Variants in HSPBAP1 observed in about 807,000 individuals in gnomAD.
HSPBAP1 encodes the protein HSPB1-associated protein 1.
HSPBAP1 carries 27 observed loss-of-function variants against 45.2 expected under a neutral mutation model. The ratio of observed to expected loss-of-function variants is 0.60; its 90% CI spans 0.44 to 0.82. The LOEUF (loss-of-function observed/expected upper bound fraction) is 0.82, where lower values mean the gene tolerates loss of function less well. Among genes scored for constraint, HSPBAP1 ranks in the 40% least tolerant of loss-of-function variants. HSPBAP1 has a pLI of 0.00. For missense variants in HSPBAP1, 510 were observed against 590.9 expected (o/e 0.86, Z 1.42); for synonymous variants, 204 against 202.7 (o/e 1.01, Z -0.06).
At chr3:122,747,647 C>T (rs1223609569) in intron 6 of HSPBAP1, among the ~76,000 whole-genome samples, 13 of 148,986 alleles carry the variant, frequency 8.7e-5, no homozygotes, top group South Asian at 2.1e-4. Context: ...GTCAGCCCCC[C>T]GCCCGGCCAG....
chr3:122,755,389 A>T lies in HSPBAP1; in HGVS notation c.612T>A (p.Leu204=). The part of the protein sequence containing the change: ...HLFPPEDTPF[L]YPTRIPYEES... ...CTTCATAAGGGATTCTAGTTGGATA[A>T]AGGAAAGGAGTATCTTCAGGAGGAA... Residue 204 remains leucine (L), a synonymous_variant, in exon 5 of 8, where the codon CTT becomes CTA. Coordinates refer to ENST00000306103, the MANE Select transcript of HSPBAP1 (RefSeq NM_024610.6). 1 of 1,589,100 alleles carries T rather than the reference A, an allele frequency of 6.3e-7. No homozygotes were observed.
chr3:122,761,157 A>G (rs1351028546), intron 3 of HSPBAP1, among the ~76,000 whole-genome samples: 1 of 152,208 alleles, frequency 6.6e-6, no homozygotes, highest in Non-Finnish European at 1.5e-5. Flanking sequence ...AGGTAGCTGA[A>G]AGCCATTCAG....
At chr3:122,778,532 T>TA (rs778666950) in intron 1 of HSPBAP1, among the ~76,000 whole-genome samples, 8,078 of 150,508 alleles carry the variant, frequency 0.054, 289 homozygotes, top group Middle Eastern at 0.11. Context: ...TATTTTTTTT[T>TA]TTTTTTTGAG....
intron 6 of HSPBAP1, among the ~76,000 whole-genome samples, chr3:122,747,403 G>A (rs2107499700): frequency 6.6e-6 from 1 of 151,678 alleles, no homozygotes; most frequent in Non-Finnish European, 1.5e-5. Flanking sequence ...TGAGAAATGA[G>A]GAGCCCCTCC....
At chr3:122,781,558 G>A (rs141261140) in intron 1 of HSPBAP1, among the ~76,000 whole-genome samples, 2 of 152,286 alleles carry the variant, frequency 1.3e-5, no homozygotes, top group East Asian at 1.9e-4. Context: ...GAGGGAGACC[G>A]TGGGGAGACG....
intron 3 of HSPBAP1, chr3:122,761,659 C>T (rs1934590260): frequency 6.7e-6 from 1 of 148,152 alleles, no homozygotes; most frequent in Admixed American, 6.8e-5. Context: ...TGGTGGCATG[C>T]ACCTGTGGTC....
chr3:122,765,410 G>A (rs543715615), intron 3 of HSPBAP1, among the ~76,000 whole-genome samples: 6 of 151,920 alleles, frequency 3.9e-5, no homozygotes, highest in East Asian at 1.9e-4. Context: ...GTGAAACCCC[G>A]TTTCTACTAA....
intron 6 of HSPBAP1, among the ~76,000 whole-genome samples, chr3:122,748,975 G>A (rs1934027794): frequency 1.3e-5 from 2 of 151,456 alleles, no homozygotes; most frequent in Non-Finnish European, 2.9e-5. Context: ...AAAAAAGCAA[G>A]GTATGGAACA....
intron 2 of HSPBAP1, among the ~76,000 whole-genome samples, chr3:122,776,279 A>T (rs1241473859): frequency 6.6e-6 from 1 of 152,220 alleles, no homozygotes; most frequent in African/African-American, 2.4e-5. Flanking sequence ...TGTTATGTGG[A>T]TTTTATTTAA....
At position 122,752,571 on chromosome 3, in the gene HSPBAP1, A is replaced by C. The variant is rs200535758; in HGVS notation, c.825+20T>G. 7.3e-6 allele frequency: 11 copies of C among 1,508,930 alleles called. No homozygotes were observed. In the African/African-American group the frequency reaches 1.4e-4, roughly 19 times the overall value. The allele number at this position is 1,508,930 out of a possible 1,614,324, so 93.5% of individuals were successfully genotyped here. ...GATTTGCACTTACTTAAAAAAAAAA[A>C]AAAAACAACGAAAAAGTACCAGTTC... On this transcript the variant is annotated intron_variant, in intron 6 of 7. Coordinates refer to ENST00000306103, the MANE Select transcript of HSPBAP1 (RefSeq NM_024610.6).
Position 122,777,906 on chromosome 3 carries a change from C to T in HSPBAP1, c.65G>A (p.Gly22Asp), listed in dbSNP as rs371279414. 1.2e-6 allele frequency: 2 copies of T among 1,607,396 alleles called. No individual in the cohort carries two copies. The highest frequency in any genetic ancestry group is 2.2e-5 in the South Asian group (2 of 90,474). ...TGGCTTAAAAGGTTTGACATGTTCA[C>T]CTAGAAAGAGAAATGAATACAGCAA... ...IVAAGAGGEE[G>D]EHVKPFKPEK... The change falls in exon 2 of 8, where the codon GGT becomes GAT. Residue 22 changes from glycine (G) to aspartate (D), a missense_variant and splice_region_variant. Coordinates refer to ENST00000306103, the MANE Select transcript of HSPBAP1 (RefSeq NM_024610.6).
In HSPBAP1 at chr3:122,741,547, C is replaced by T. The variant is rs939834284; in HGVS notation, c.826-434G>A. 9.4e-5 allele frequency: 16 copies of T among 169,830 alleles called. No individual in the cohort carries two copies. In the South Asian group the frequency reaches 1.3e-3, roughly 13 times the overall value. 10.5% of individuals were successfully genotyped at this position (169,830 alleles called of 1,614,324 possible). On this transcript the variant is annotated intron_variant, in intron 6 of 7. Coordinates refer to ENST00000306103, the MANE Select transcript of HSPBAP1 (RefSeq NM_024610.6). The stretch of plus-strand genomic sequence containing the variant: ...AGAATGAGATGGCTATCCATCTAAA[C>T]GTGGCTTTAAGACAGAGTAAATATA...
intron 5 of HSPBAP1, chr3:122,753,968 AT>A: frequency 1.2e-6 from 1 of 857,422 alleles, no homozygotes; most frequent in Middle Eastern, 6.0e-4. Flanking sequence ...AAAAATAATG[AT>A]AAAAAAGCAA....
At chr3:122,758,190 T>C (rs1296850810) in intron 4 of HSPBAP1, among the ~76,000 whole-genome samples, 1 of 152,212 alleles carries the variant, frequency 6.6e-6, no homozygotes, top group African/African-American at 2.4e-5. Flanking sequence ...CCTGTAAATG[T>C]CCCACATGAC....
Position 122,777,860 on chromosome 3 carries a change from G to A in HSPBAP1, c.111C>T (p.Ile37=). 6.2e-7 allele frequency: 1 copy of A among 1,613,348 alleles called. No homozygotes were observed. The highest frequency in any genetic ancestry group is 8.5e-7 in the Non-Finnish European group (1 of 1,179,464). Residue 37 remains isoleucine (I), a synonymous_variant, in exon 2 of 8, where the codon ATC becomes ATT. Transcript: ENST00000306103. ...PFKPEKAKEI[I]MSLQQPAIFC... is the part of the protein sequence containing the mutation. ...AGATTGCAGGTTGTTGTAAAGACAT[G>A]ATAATTTCTTTTGCTTTCTCTGGCT...
chr3:122,752,560 T>TAAAAAAAAAAAAAAAAAAAAAAAAA (rs56192340), intron 6 of HSPBAP1, 31 bp downstream of exon 6: 1 of 1,021,328 alleles, frequency 9.8e-7, no homozygotes. Context: ...TGCACTTACT[T>TAAAAAAAAAAAAAAAAAAAAAAAAA]AAAAAAAAAA....
intron 1 of HSPBAP1, among the ~76,000 whole-genome samples, chr3:122,789,702 G>C (rs1173904192): frequency 1.3e-5 from 2 of 152,100 alleles, no homozygotes; most frequent in Non-Finnish European, 2.9e-5. Context: ...CTAAGCACTT[G>C]TTTTCTCCAC....
At chr3:122,769,273 T>G (rs997393802) in intron 2 of HSPBAP1, among the ~76,000 whole-genome samples, 17 of 152,226 alleles carry the variant, frequency 1.1e-4, no homozygotes, top group Non-Finnish European at 8.8e-5. Flanking sequence ...ATGAGTAGAT[T>G]TAATAATCCA....
intron 6 of HSPBAP1, among the ~76,000 whole-genome samples, chr3:122,747,636 G>T (rs1259409906): frequency 2.0e-5 from 3 of 146,860 alleles, no homozygotes; most frequent in African/African-American, 7.6e-5. Flanking sequence ...GAGGTGGGGG[G>T]GTCAGCCCCC....
Sources: allele counts gnomAD v4.1 joint callset (sites outside exome capture counted in the v4.1 genomes callset), GRCh38; gene constraint gnomAD v4.1.1; transcripts MANE v1.5; gene names NCBI Gene and HGNC (gene_info 2026-07-23, HGNC 2026-07-21).